MUC5B: variants seen among roughly 807,000 people sequenced by gnomAD.
The protein encoded by MUC5B is mucin-5B.
Under a neutral mutation model 376.9 loss-of-function variants are expected in MUC5B, and 116 were observed. The observed-to-expected ratio is 0.31, with a 90% CI of 0.26 to 0.36. The LOEUF is 0.36. Among genes scored for constraint, MUC5B ranks in the 10% least tolerant of loss-of-function variants. The pLI is 1.00. For synonymous variants in MUC5B, 3,517 were observed against 3,390.9 expected, an observed-to-expected ratio of 1.04 and a Z score of -1.29; for missense variants, 7,165 against 7,769.9, an observed-to-expected ratio of 0.92 and a Z score of 2.93.
In MUC5B at chr11:1,246,191, A is replaced by G; in HGVS notation, c.9311A>G (p.His3104Arg). The G allele has an allele frequency of 6.2e-7, 1 of 1,607,144 alleles. No homozygotes were observed. The highest frequency in any genetic ancestry group is 8.5e-7 in the Non-Finnish European group (1 of 1,178,240). Reference sequence around the variant, plus strand: ...CCCTCCTCCACTCCGGAGACCACCCACACCTCCACAGTGCTGACCACGAAG... The same window carrying G: ...CCCTCCTCCACTCCGGAGACCACCCGCACCTCCACAGTGCTGACCACGAAG... The part of the protein sequence containing the change: ...IHPSSTPETT[H>R]TSTVLTTKAT... The change falls in exon 31 of 49, where the codon CAC (histidine) becomes CGC (arginine). Residue 3104 changes from histidine (H) to arginine (R), a missense_variant. Physicochemically the swap from His to Arg is conservative, Grantham distance 29. Around this residue, in one of 31 missense-constraint regions of MUC5B, gnomAD observed 939 missense variants for 770.6 expected, o/e 1.22. Coordinates refer to ENST00000529681, the MANE Select transcript of MUC5B (RefSeq NM_002458.3).
At position 1,258,120 on chromosome 11, in the gene MUC5B, C is replaced by G; in HGVS notation, c.16472C>G (p.Pro5491Arg). 1 of 1,592,832 alleles carries G rather than the reference C, an allele frequency of 6.3e-7. No homozygotes were observed. Among genetic ancestry groups the G allele is most frequent in the Non-Finnish European group, 8.5e-7 (1 of 1,172,002 alleles). ...TVCVCNTTTC[P>R]QSLPVCPPGQ... ...GCAGTGTGCAACACAACCACCTGCC[C>G]CCAGAGCCTGCCTGTGTGCCCGCCA... The change falls in exon 42 of 49, where the codon CCC (proline) becomes CGC (arginine). Residue 5491 changes from proline to arginine, a missense_variant. Physicochemically the swap from Pro to Arg is moderately radical, Grantham distance 103. Transcript: ENST00000529681. The surrounding 1 kb of genome is among the most constrained non-coding windows in gnomAD (Gnocchi z 5.5).
At position 1,245,925 on chromosome 11, in the gene MUC5B, C is replaced by T; in HGVS notation, c.9045C>T (p.Thr3015=). 1 of 1,613,084 alleles carries T rather than the reference C, an allele frequency of 6.2e-7. No individual in the cohort carries two copies. The highest frequency in any genetic ancestry group is 8.5e-7 in the Non-Finnish European group (1 of 1,179,704). The change falls in exon 31 of 49, where the codon ACC becomes ACT. Residue 3015 remains threonine, a synonymous_variant. Coordinates refer to ENST00000529681, the MANE Select transcript of MUC5B (RefSeq NM_002458.3). ...GATCCACGGCCATCCCGTCCTCCAC[C>T]CCGGGAACAGCTCCCCCTCCCAAAG... The part of the protein sequence containing the change: ...TTGSTAIPSS[T]PGTAPPPKVL...
chr11:1,235,733 G>A (rs1026046800), intron 23 of MUC5B, among the ~76,000 whole-genome samples: 2 of 152,074 alleles, frequency 1.3e-5, no homozygotes, highest in Admixed American at 6.5e-5. Context: ...CTGTGTCTGC[G>A]TCTGTCTTCT....
chr11:1,224,150 G>A (rs937538088), intron 1 of MUC5B, among the ~76,000 whole-genome samples: 2 of 152,204 alleles, frequency 1.3e-5, no homozygotes, highest in African/African-American at 4.8e-5. Context: ...TGCAGCCTTG[G>A]CTCCCCTCAC....
In MUC5B at chr11:1,251,375, C is replaced by G. The variant is rs375227403; in HGVS notation, c.14495C>G (p.Thr4832Ser). ...LTTTATTTAA[T>S]GSTATLSSTP... ...ACAACAGCCACTACAACTGCAGCCA[C>G]TGGATCCACGGCCACCCTGTCCTCC... The change falls in exon 31 of 49, where the codon ACT becomes AGT. Residue 4832 changes from threonine to serine, a missense_variant. Coordinates refer to ENST00000529681, the MANE Select transcript of MUC5B (RefSeq NM_002458.3). 7 of 1,612,472 alleles carry G rather than the reference C, an allele frequency of 4.3e-6. No individual in the cohort carries two copies. Among genetic ancestry groups the G allele is most frequent in the Non-Finnish European group, 5.1e-6 (6 of 1,179,114 alleles).
Position 1,249,726 on chromosome 11 carries a change from G to T in MUC5B, c.12846G>T (p.Leu4282=). The T allele has an allele frequency of 1.2e-6, 2 of 1,609,996 alleles. No homozygotes were observed. Among genetic ancestry groups the T allele is most frequent in the Non-Finnish European group, 1.7e-6 (2 of 1,177,990 alleles). Residue 4282 remains leucine (L), a synonymous_variant, in exon 31 of 49, where the codon CTG becomes CTT. Transcript: ENST00000529681. The part of the protein sequence containing the change: ...TPGTAPPPKV[L]TSPATTPTAT... ...GAACAGCTCCCCCTCCCAAAGTGCTGACCAGCCCGGCCACCACACCCACAG... is the reference window on the plus strand; with the variant it reads ...GAACAGCTCCCCCTCCCAAAGTGCTTACCAGCCCGGCCACCACACCCACAG...
At position 1,241,797 on chromosome 11, in the gene MUC5B, G is replaced by A; in HGVS notation, c.4917G>A (p.Leu1639=). 6.2e-7 allele frequency: 1 copy of A among 1,612,416 alleles called. No homozygotes were observed. The highest frequency in any genetic ancestry group is 8.5e-7 in the Non-Finnish European group (1 of 1,179,262). The change falls in exon 31 of 49, where the codon CTG becomes CTA. Residue 1639 remains leucine, a synonymous_variant. Coordinates refer to ENST00000529681, the MANE Select transcript of MUC5B (RefSeq NM_002458.3). The stretch of plus-strand genomic sequence containing the variant: ...CGCAGCCTACGAGTAGCCCGGGGCT[G>A]ACCAGGGCTCCCCCGGCCAGCACCA... ...STPQPTSSPG[L]TRAPPASTTA...
intron 39 of MUC5B, among the ~76,000 whole-genome samples, chr11:1,256,984 G>A (rs1299341839): frequency 6.6e-6 from 1 of 152,160 alleles, no homozygotes; most frequent in East Asian, 1.9e-4. Context: ...GGGAGGCTCT[G>A]TCCTTGAGTG....
intron 5 of MUC5B, 74 bp from the exon 6 acceptor site, chr11:1,227,234 C>A: frequency 6.4e-7 from 1 of 1,570,810 alleles, no homozygotes; most frequent in Non-Finnish European, 8.7e-7. Context: ...GGCTTGGGGT[C>A]ACGGGGCTTG....
rs775951457 is a variant in MUC5B at position 1,253,040 on chromosome 11, G to A, written c.15217+60G>A. 1.7e-5 allele frequency: 27 copies of A among 1,594,786 alleles called. No homozygotes were observed. The highest frequency in any genetic ancestry group is 1.7e-4 in the Middle Eastern group (1 of 5,862). ...GGCAGGTGGAGCAGAGTGCACCGTC[G>A]GCTAGGCTGGCAGAATGGGGCATGG... On this transcript the variant is annotated intron_variant, in intron 33 of 48. Coordinates refer to ENST00000529681, the MANE Select transcript of MUC5B (RefSeq NM_002458.3). This position sits in a 1 kb window ranked among gnomAD's most constrained non-coding sequence, Gnocchi z 4.3.
intron 47 of MUC5B, 46 bp from the exon 48 acceptor site, chr11:1,260,580 G>C (rs1265411019): frequency 6.5e-7 from 1 of 1,548,274 alleles, no homozygotes; most frequent in Non-Finnish European, 8.9e-7. Context: ...CAGGCCCTCA[G>C]AGTGAGGGTC....
intron 27 of MUC5B, 56 bp downstream of exon 27, chr11:1,239,622 G>T: frequency 2.6e-6 from 4 of 1,526,398 alleles, no homozygotes; most frequent in Non-Finnish European, 2.6e-6. Flanking sequence ...CCGAGTGTAC[G>T]TGGGGGGGCG....
At chr11:1,225,197 T>C (rs908835589) in intron 1 of MUC5B, among the ~76,000 whole-genome samples, 3 of 152,250 alleles carry the variant, frequency 2.0e-5, no homozygotes, top group Non-Finnish European at 4.4e-5. Flanking sequence ...AGGTTTCTGC[T>C]AAGTCACGCC....
At position 1,235,375 on chromosome 11, in the gene MUC5B, G is replaced by A. The variant is rs746159976; in HGVS notation, c.2842G>A (p.Gly948Ser). Residue 948 changes from glycine (G) to serine (S), a missense_variant, in exon 23 of 49, where the codon GGC becomes AGC. By Grantham distance (56) the Gly-to-Ser change is moderately conservative. Around this residue, in one of 31 missense-constraint regions of MUC5B, gnomAD observed 530 missense variants for 604.0 expected, o/e 0.88. Coordinates refer to ENST00000529681, the MANE Select transcript of MUC5B (RefSeq NM_002458.3). ...VTENIPCGTT[G>S]TTCSKAIKLF... ...CGAGAACATCCCCTGTGGGACCACC[G>A]GCACCACCTGCTCCAAGGCCATCAA... 19 of 1,612,234 alleles carry A rather than the reference G, an allele frequency of 1.2e-5. No homozygotes were observed. Among genetic ancestry groups the A allele is most frequent in the East Asian group, 2.2e-5 (1 of 44,856 alleles).
chr11:1,251,364 A>G lies in MUC5B; in HGVS notation c.14484A>G (p.Thr4828=), dbSNP rs199583764. ...CTGAGCTGACCACAACAGCCACTAC[A>G]ACTGCAGCCACTGGATCCACGGCCA... ...ILTELTTTAT[T]TAATGSTATL... The change falls in exon 31 of 49, where the codon ACA becomes ACG. Residue 4828 remains threonine, a synonymous_variant. Transcript: ENST00000529681. 13 of 1,531,724 alleles carry G rather than the reference A, an allele frequency of 8.5e-6. No individual in the cohort carries two copies. The highest frequency in any genetic ancestry group is 8.4e-5 in the Admixed American group (5 of 59,250). The allele number at this position is 1,531,724 out of a possible 1,614,324, so 94.9% of individuals were successfully genotyped here.
intron 2 of MUC5B, 122 bp from the exon 3 acceptor site, chr11:1,226,083 A>G (rs1387392428): frequency 3.1e-6 from 3 of 975,212 alleles, no homozygotes; most frequent in Admixed American, 4.7e-5. Flanking sequence ...CCTTGGCCCC[A>G]GCCCATCAGT....
intron 3 of MUC5B, 156 bp from the exon 4 acceptor site, chr11:1,226,459 G>C (rs977487539): frequency 8.5e-6 from 11 of 1,290,758 alleles, no homozygotes; most frequent in Admixed American, 6.1e-5. Context: ...AGGGGTCTTG[G>C]AGCAAAACAG....
At position 1,244,584 on chromosome 11, in the gene MUC5B, C is replaced by T. The variant is rs1284426356; in HGVS notation, c.7704C>T (p.Ser2568=). The part of the protein sequence containing the change: ...PTATMSTATP[S]STPETVHTST... ...CCACCATGTCCACAGCCACACCCTCCTCCACTCCAGAGACTGTCCACACCT... is the reference window on the plus strand; with the variant it reads ...CCACCATGTCCACAGCCACACCCTCTTCCACTCCAGAGACTGTCCACACCT... The change falls in exon 31 of 49, where the codon TCC becomes TCT. Residue 2568 remains serine (S), a synonymous_variant. Coordinates refer to ENST00000529681, the MANE Select transcript of MUC5B (RefSeq NM_002458.3). 5 of 1,613,440 alleles carry T rather than the reference C, an allele frequency of 3.1e-6. No homozygotes were observed. The highest frequency in any genetic ancestry group is 4.2e-6 in the Non-Finnish European group (5 of 1,179,722).
chr11:1,243,786 A>G lies in MUC5B; in HGVS notation c.6906A>G (p.Thr2302=), dbSNP rs1433369229. The change falls in exon 31 of 49, where the codon ACA becomes ACG. Residue 2302 remains threonine (T), a synonymous_variant. Transcript: ENST00000529681. ...CGACCCTGCTGCCCAGCAGCCCCAC[A>G]TCGGCCCCCATAACCACGGTGGTGA... The part of the protein sequence containing the change: ...RTSTLLPSSP[T]SAPITTVVTM... 1.2e-6 allele frequency: 2 copies of G among 1,611,600 alleles called. No individual in the cohort carries two copies. Among genetic ancestry groups the G allele is most frequent in the Non-Finnish European group, 8.5e-7 (1 of 1,179,610 alleles).
Sources: allele counts gnomAD v4.1 joint callset (sites outside exome capture counted in the v4.1 genomes callset), GRCh38; gene constraint gnomAD v4.1.1; regional missense constraint gnomAD v4.1.1; non-coding constraint Gnocchi (gnomAD v3.1); transcripts MANE v1.5; gene names NCBI Gene and HGNC (gene_info 2026-07-23, HGNC 2026-07-21).